Variants in MTHFD2 observed in about 807,000 individuals in gnomAD.
MTHFD2 encodes the protein bifunctional methylenetetrahydrofolate dehydrogenase/cyclohydrolase, mitochondrial.
MTHFD2 carries 26 observed loss-of-function variants against 36.8 expected under a neutral mutation model. That is an observed-to-expected ratio of 0.71 (90% CI 0.52 to 0.98). MTHFD2 has a LOEUF of 0.98. MTHFD2 is among the 50% of genes least tolerant of loss of function. MTHFD2 has a pLI of 0.00. For missense variants in MTHFD2, 373 were observed against 434.0 expected (o/e 0.86, Z 1.25); for synonymous variants, 164 against 155.2 (o/e 1.06, Z -0.42).
chr2:74,208,663 T>A lies in MTHFD2; in HGVS notation c.504T>A (p.Asp168Glu). The change falls in exon 4 of 8, where the codon GAT becomes GAA. Residue 168 changes from aspartate (D) to glutamate (E), a missense_variant. By Grantham distance (45) the Asp-to-Glu change is conservative. Transcript: ENST00000394053. The part of the protein sequence containing the change: ...HVINVGRMCL[D>E]QYSMLPATPW... ...TTAATGTAGGACGAATGTGTTTGGA[T>A]CAGTATTCCATGTTACCGGCTACTC... The A allele has an allele frequency of 3.1e-6, 5 of 1,614,172 alleles. No homozygotes were observed. The highest frequency in any genetic ancestry group is 4.2e-6 in the Non-Finnish European group (5 of 1,180,036).
chr2:74,207,269 C>T (rs2103820711), intron 2 of MTHFD2, among the ~76,000 whole-genome samples: 1 of 152,324 alleles, frequency 6.6e-6, no homozygotes, highest in South Asian at 2.1e-4. Flanking sequence ...GCTGGGACTA[C>T]AGGCGCGTTC....
At chr2:74,200,545 C>CTT (rs907973919) in intron 1 of MTHFD2, among the ~76,000 whole-genome samples, 1 of 143,344 alleles carries the variant, frequency 7.0e-6, no homozygotes, top group African/African-American at 2.6e-5. Context: ...AGTCTGCATT[C>CTT]TTTTTTTTTT....
At position 74,207,808 on chromosome 2, in the gene MTHFD2, G is replaced by A; in HGVS notation, c.391G>A (p.Val131Ile). The change falls in exon 3 of 8, where the codon GTT (valine) becomes ATT (isoleucine). Residue 131 changes from valine to isoleucine, a missense_variant. Coordinates refer to ENST00000394053, the MANE Select transcript of MTHFD2 (RefSeq NM_006636.4). ...NNDDNVDGLLVQLPLPEHIDE... is the reference protein window; with the variant it reads ...NNDDNVDGLLIQLPLPEHIDE... ...TGATGATAATGTAGATGGCCTCCTTGTTCAGTTGCCTCTTCCAGGTGAGTT... is the reference window on the plus strand; with the variant it reads ...TGATGATAATGTAGATGGCCTCCTTATTCAGTTGCCTCTTCCAGGTGAGTT... 2 of 1,578,104 alleles carry A rather than the reference G, an allele frequency of 1.3e-6. No individual in the cohort carries two copies. The highest frequency in any genetic ancestry group is 1.1e-5 in the South Asian group (1 of 88,000).
rs1016153584 is a variant in MTHFD2, at chr2:74,212,371, T to C, written c.889+505T>C. The stretch of plus-strand genomic sequence containing the variant: ...GCCTCCACCTCACAGCTTCAAGCGA[T>C]TCTTGTGCTTCAAGCCTCCCCAGTA... On this transcript the variant is annotated intron_variant, in intron 7 of 7. Transcript: ENST00000394053. 3.4e-5 allele frequency among the ~76,000 whole-genome samples: 5 copies of C among 148,848 alleles called. No homozygotes were observed. In the Admixed American group the frequency reaches 3.4e-4, roughly 10 times the overall value.
In MTHFD2 at chr2:74,215,244, TTTTC is replaced by T. The variant is rs1005253200; in HGVS notation, c.*1010_*1013del. The T allele has an allele frequency of 2.6e-4, 40 of 152,498 alleles. No homozygotes were observed. The highest frequency in any genetic ancestry group is 8.9e-4 in the African/African-American group (37 of 41,496). The allele number at this position is 152,498 out of a possible 1,614,324, so 9.4% of individuals were successfully genotyped here. A position where few individuals can be genotyped will look rare whatever the true frequency, so the allele number is the denominator to read the frequency against. On this transcript the variant is annotated 3_prime_UTR_variant, in exon 8 of 8. Coordinates refer to ENST00000394053, the MANE Select transcript of MTHFD2 (RefSeq NM_006636.4). ...TTAATCAGACTTTCTGATTAAAGGG[TTTTC>T]TTTCTTTTTTAATAAAACACATCTG...
chr2:74,200,681 G>T (rs914025163), intron 1 of MTHFD2, among the ~76,000 whole-genome samples: 1 of 151,800 alleles, frequency 6.6e-6, no homozygotes, highest in African/African-American at 2.4e-5. Context: ...TTTGAATCTT[G>T]TTTCTACTAT....
In MTHFD2 at chr2:74,217,274, A is replaced by C. The variant is rs956269662; in HGVS notation, c.*3032A>C. The C allele has an allele frequency of 1.3e-5, 2 of 152,234 alleles. No homozygotes were observed. Among genetic ancestry groups the C allele is most frequent in the African/African-American group, 4.8e-5 (2 of 41,466 alleles). The allele number at this position is 152,234 out of a possible 1,614,324, so 9.4% of individuals were successfully genotyped here. A position where few individuals can be genotyped will look rare whatever the true frequency, so the allele number is the denominator to read the frequency against. On this transcript the variant is annotated 3_prime_UTR_variant, in exon 8 of 8. Transcript: ENST00000394053. ...TTTGGAGAAAGTAAGTGTCAGATGC[A>C]CTGTGGCTGTCAGGGTCATAGTAGG...
intron 3 of MTHFD2, 39 bp downstream of exon 3, chr2:74,207,865 TCTG>T (rs1694217608): frequency 3.2e-6 from 5 of 1,554,218 alleles, no homozygotes; most frequent in Non-Finnish European, 4.4e-6. Flanking sequence ...TGCTGCTGCT[TCTG>T]CTCCTTTCCC....
rs1268176613 is a variant in MTHFD2 at position 74,214,074 on chromosome 2, T to C, written c.890-5T>C. The C allele has an allele frequency of 6.2e-7, 1 of 1,613,114 alleles. No individual in the cohort carries two copies. The highest frequency in any genetic ancestry group is 1.7e-5 in the Admixed American group (1 of 59,872). ...AAGCAGCCTGCCTGTCTTGTTTCTA[T>C]GTAGGAGTCAGACAAAAAGCTGGGT... On this transcript the variant is annotated splice_region_variant and splice_polypyrimidine_tract_variant and intron_variant, in intron 7 of 7. Transcript: ENST00000394053.
In MTHFD2 at chr2:74,214,546, A is replaced by T. The variant is rs1694387532; in HGVS notation, c.*304A>T. On this transcript the variant is annotated 3_prime_UTR_variant, in exon 8 of 8. Coordinates refer to ENST00000394053, the MANE Select transcript of MTHFD2 (RefSeq NM_006636.4). The stretch of plus-strand genomic sequence containing the variant: ...TCACTTTGTCAAGCACCTCAGTTAC[A>T]CATTCGCCTTTTCTAGGATTGCATT... 1 of 175,166 alleles carries T rather than the reference A, an allele frequency of 5.7e-6. No individual in the cohort carries two copies. The allele number at this position is 175,166 out of a possible 1,614,324, so 10.9% of individuals were successfully genotyped here.
intron 2 of MTHFD2, chr2:74,206,623 C>T (rs938019494): frequency 1.3e-5 from 2 of 152,210 alleles, no homozygotes; most frequent in African/African-American, 4.8e-5. Flanking sequence ...CTGTGGTTTT[C>T]TCTGTTCTTT....
At chr2:74,213,995 T>C (rs1694371302) in intron 7 of MTHFD2, 84 bp from the exon 8 acceptor site, 2 of 1,435,506 alleles carry the variant, frequency 1.4e-6, no homozygotes, top group African/African-American at 2.9e-5. Flanking sequence ...ACTTTTTCCT[T>C]GCATGCTTGT....
chr2:74,210,932 A>T (rs924924835), intron 5 of MTHFD2, among the ~76,000 whole-genome samples: 1 of 152,132 alleles, frequency 6.6e-6, no homozygotes, highest in African/African-American at 2.4e-5. Context: ...GATTACAGGC[A>T]TGCGCCACCA....
rs1366894917 is a variant in MTHFD2 at position 74,214,749 on chromosome 2, A to C, written c.*507A>C. 9.2e-5 allele frequency: 14 copies of C among 152,434 alleles called. No individual in the cohort carries two copies. Among genetic ancestry groups the C allele is most frequent in the Non-Finnish European group, 1.5e-5 (1 of 68,140 alleles). 9.4% of individuals were successfully genotyped at this position (152,434 alleles called of 1,614,324 possible). A position where few individuals can be genotyped will look rare whatever the true frequency, so the allele number is the denominator to read the frequency against. ...TTTATATATGTATTGATTGGCAACC[A>C]GATTTATCTAAGTAGAACTGAATTG... On this transcript the variant is annotated 3_prime_UTR_variant, in exon 8 of 8. Transcript: ENST00000394053.
rs149200674 is a variant in MTHFD2, at chr2:74,214,451, G to A, written c.*209G>A. ...ATTCCAGTATCATGCAGGGTCCTGTGATCTAGCCAGGAGCAGCCATTAACC... is the reference window on the plus strand; with the variant it reads ...ATTCCAGTATCATGCAGGGTCCTGTAATCTAGCCAGGAGCAGCCATTAACC... On this transcript the variant is annotated 3_prime_UTR_variant, in exon 8 of 8. Coordinates refer to ENST00000394053, the MANE Select transcript of MTHFD2 (RefSeq NM_006636.4). 1,950 of 421,622 alleles carry A rather than the reference G, an allele frequency of 4.6e-3. 6 individuals carry two copies. The highest frequency in any genetic ancestry group is 5.7e-3 in the Non-Finnish European group (1,340 of 235,914). The allele number at this position is 421,622 out of a possible 1,614,324, so 26.1% of individuals were successfully genotyped here. A position where few individuals can be genotyped will look rare whatever the true frequency, so the allele number is the denominator to read the frequency against.
rs1694449427 is a variant in MTHFD2, at chr2:74,216,497, A to G, written c.*2255A>G. ...GAATCCATAGCATTTCTACAATTTA[A>G]TTTGGACAAAGTTCTATTCCAGATC... is the stretch of plus-strand genomic sequence containing the variant. On this transcript the variant is annotated 3_prime_UTR_variant, in exon 8 of 8. Transcript: ENST00000394053. 6.6e-6 allele frequency: 1 copy of G among 152,242 alleles called. No individual in the cohort carries two copies. The highest frequency in any genetic ancestry group is 6.5e-5 in the Admixed American group (1 of 15,280). The allele number at this position is 152,242 out of a possible 1,614,324, so 9.4% of individuals were successfully genotyped here.
Position 74,214,289 on chromosome 2 carries a change from A to T in MTHFD2, c.*47A>T. 6.3e-7 allele frequency: 1 copy of T among 1,581,884 alleles called. No homozygotes were observed. Among genetic ancestry groups the T allele is most frequent in the South Asian group, 1.1e-5 (1 of 87,214 alleles). ...AAACAGCACTCCAGGCCAGCTCAAG[A>T]AGCAAAGCAGGCCAATAGAAATGCA... is the stretch of plus-strand genomic sequence containing the variant. On this transcript the variant is annotated 3_prime_UTR_variant, in exon 8 of 8. Coordinates refer to ENST00000394053, the MANE Select transcript of MTHFD2 (RefSeq NM_006636.4).
intron 1 of MTHFD2, among the ~76,000 whole-genome samples, chr2:74,202,454 T>G (rs1694063049): frequency 6.6e-6 from 1 of 152,116 alleles, no homozygotes; most frequent in Non-Finnish European, 1.5e-5. Flanking sequence ...CAGGTACTAA[T>G]ACAAATCAGG....
chr2:74,209,960 A>G lies in MTHFD2; in HGVS notation c.581A>G (p.Lys194Arg). ...IKRTGIPTLGKNVVVAGRSKN... is the reference protein window; with the variant it reads ...IKRTGIPTLGRNVVVAGRSKN... The stretch of plus-strand genomic sequence containing the variant: ...TTTATAGGCATTCCAACCCTAGGGA[A>G]GAATGTGGTTGTGGCTGGAAGGTCA... Residue 194 changes from lysine (K) to arginine (R), a missense_variant, in exon 5 of 8, where the codon AAG (lysine) becomes AGG (arginine). By Grantham distance (26) the Lys-to-Arg change is conservative. Around this residue, in one of 2 missense-constraint regions of MTHFD2, gnomAD observed 308 missense variants for 397.8 expected, o/e 0.77. Coordinates refer to ENST00000394053, the MANE Select transcript of MTHFD2 (RefSeq NM_006636.4). 1 of 1,613,154 alleles carries G rather than the reference A, an allele frequency of 6.2e-7. No individual in the cohort carries two copies. The highest frequency in any genetic ancestry group is 8.5e-7 in the Non-Finnish European group (1 of 1,179,458).
Sources: allele counts gnomAD v4.1 joint callset (sites outside exome capture counted in the v4.1 genomes callset), GRCh38; gene constraint gnomAD v4.1.1; regional missense constraint gnomAD v4.1.1; transcripts MANE v1.5; gene names NCBI Gene and HGNC (gene_info 2026-07-23, HGNC 2026-07-21).